The following NUTM2B variants were observed in gnomAD, a reference collection of about 807,000 sequenced individuals.
The protein encoded by NUTM2B is family with sequence similarity 22, member B.
Under a neutral mutation model 42.4 loss-of-function variants are expected in NUTM2B, and 2 were observed. That is an observed-to-expected ratio of 0.05 (90% CI 0.02 to 0.15). NUTM2B has a LOEUF of 0.15. Ranked by LOEUF, NUTM2B falls within the 10% of genes least tolerant of loss-of-function variation. The pLI, the probability that NUTM2B is intolerant of heterozygous loss-of-function variation, is 1.00. For synonymous variants in NUTM2B, 18 were observed against 402.4 expected (o/e 0.04, Z 11.43); for missense variants, 58 against 952.6 (o/e 0.06, Z 12.36).
upstream of NUTM2B, among the ~76,000 whole-genome samples, chr10:79,700,516 T>C (rs1224513202): frequency 5.3e-5 from 8 of 152,370 alleles, no homozygotes; most frequent in African/African-American, 1.9e-4. Context: ...AGGAAAGCTA[T>C]GAACGCTCCC....
chr10:79,700,692 G>T (rs1215419467), upstream of NUTM2B, among the ~76,000 whole-genome samples: 28 of 152,054 alleles, frequency 1.8e-4, 1 homozygote, highest in Non-Finnish European at 1.0e-4. Context: ...AGGCCGGTGG[G>T]TCACCGCCCT....
intron 3 of NUTM2B, among the ~76,000 whole-genome samples, 189 bp from the exon 4 acceptor site, chr10:79,709,611 C>A (rs1443879934): frequency 7.5e-6 from 1 of 132,532 alleles, no homozygotes; most frequent in Admixed American, 7.9e-5. Context: ...TCTGCAGGGG[C>A]CGGGTGAGGG....
In NUTM2B at chr10:79,711,003, CTG is replaced by C. The variant is rs1358029808; in HGVS notation, c.1734+243_1735-242del. On this transcript the variant is annotated intron_variant, in intron 5 of 6. Coordinates refer to ENST00000429828, the Ensembl canonical transcript of NUTM2B. Reference sequence around the variant, plus strand: ...TGTGGAGTGTGTACGTTACCTGTGTCTGTGTCTTTTCCTGTGTCATATGTGGG... The same window carrying C: ...TGTGGAGTGTGTACGTTACCTGTGTCTGTCTTTTCCTGTGTCATATGTGGG... Among the ~76,000 whole-genome samples the C allele has an allele frequency of 2.3e-5, 3 of 131,748 alleles. No homozygotes were observed. The South Asian group carries it at 9.4e-4, about 41-fold the overall frequency. 86.4% of individuals were successfully genotyped at this position (131,748 alleles called of 152,430 possible).
At chr10:79,705,540 G>C (rs1347885122) in intron 1 of NUTM2B, among the ~76,000 whole-genome samples, 15 of 151,288 alleles carry the variant, frequency 9.9e-5, no homozygotes, top group South Asian at 4.2e-4. Flanking sequence ...GTATGTCTGA[G>C]CTGGGAAAGA....
chr10:79,700,791 C>T (rs1245102961), upstream of NUTM2B, among the ~76,000 whole-genome samples: 13 of 152,212 alleles, frequency 8.5e-5, no homozygotes, highest in African/African-American at 2.4e-4. Flanking sequence ...GCTGGAACCT[C>T]GCCCGCCTCA....
chr10:79,705,138 G>A lies in NUTM2B; in HGVS notation c.383-904G>A, dbSNP rs1464126369. ...CAGTTATTAGGAGCTCAAAGGAGAA[G>A]GGCCAGGGATGGGCTCCTTGTCCCA... On this transcript the variant is annotated intron_variant, in intron 1 of 6. Transcript: ENST00000429828. Among the ~76,000 whole-genome samples, 2 of 127,572 alleles carry A rather than the reference G, an allele frequency of 1.6e-5. 1 individual carries two copies. Among genetic ancestry groups the A allele is most frequent in the African/African-American group, 5.9e-5 (2 of 33,956 alleles). 83.7% of individuals were successfully genotyped at this position (127,572 alleles called of 152,430 possible). A position where few individuals can be genotyped will look rare whatever the true frequency, so the allele number is the denominator to read the frequency against.
chr10:79,695,649 G>C, the NUTM2B span, among the ~76,000 whole-genome samples: 6 of 152,192 alleles, frequency 3.9e-5, no homozygotes, highest in Admixed American at 6.5e-5. Flanking sequence ...ACGTATGTTA[G>C]AGGGTGTCCT....
upstream of NUTM2B, among the ~76,000 whole-genome samples, chr10:79,700,012 C>T (rs1840283678): frequency 6.6e-6 from 1 of 152,266 alleles, no homozygotes; most frequent in South Asian, 2.1e-4. Flanking sequence ...CATGTGTAGC[C>T]TACAATTTAC....
At chr10:79,696,631 A>AG in the NUTM2B span, among the ~76,000 whole-genome samples, 1 of 152,210 alleles carries the variant, frequency 6.6e-6, no homozygotes, top group Non-Finnish European at 1.5e-5. Context: ...GAAAAGAAGA[A>AG]GGGGAAATCC....
the NUTM2B span, among the ~76,000 whole-genome samples, chr10:79,694,750 G>A: frequency 6.6e-6 from 1 of 152,340 alleles, no homozygotes; most frequent in South Asian, 2.1e-4. Context: ...TTGGGGTCCT[G>A]AGCCTCCCAG....
upstream of NUTM2B, among the ~76,000 whole-genome samples, chr10:79,701,389 G>A (rs1207584375): frequency 1.3e-5 from 2 of 151,968 alleles, no homozygotes; most frequent in Admixed American, 6.6e-5. Context: ...GCAACACAGT[G>A]CAGAATTCCA....
chr10:79,703,704 T>TGCC, exon 1 of NUTM2B: 1 of 406,988 alleles, frequency 2.5e-6, no homozygotes, highest in Non-Finnish European at 3.8e-6. Flanking sequence ...TCTCTGCTGC[T>TGCC]GCCTTCCAGT....
At chr10:79,702,385 G>A (rs61863482), upstream of NUTM2B, among the ~76,000 whole-genome samples, 9,234 of 148,994 alleles carry the variant, frequency 0.062, 213 homozygotes, top group South Asian at 0.18. Context: ...GGACAAAACC[G>A]AGAACTCATG....
At chr10:79,702,240 A>C (rs898959611), upstream of NUTM2B, among the ~76,000 whole-genome samples, 1 of 152,174 alleles carries the variant, frequency 6.6e-6, no homozygotes, top group Non-Finnish European at 1.5e-5. Context: ...TGCATGTAAG[A>C]AGGCAGTTCT....
At chr10:79,705,209 C>T (rs1349116650) in intron 1 of NUTM2B, among the ~76,000 whole-genome samples, 1 of 133,170 alleles carries the variant, frequency 7.5e-6, no homozygotes, top group African/African-American at 2.9e-5. Context: ...CCCTAGACAC[C>T]TCCCCTGTTA....
chr10:79,701,180 A>G (rs564731983), upstream of NUTM2B, among the ~76,000 whole-genome samples: 1 of 152,294 alleles, frequency 6.6e-6, no homozygotes, highest in Non-Finnish European at 1.5e-5. Flanking sequence ...TGGAGGTTCC[A>G]TTAAAGAGTA....
At chr10:79,700,956 AGCG>A, upstream of NUTM2B, among the ~76,000 whole-genome samples, 1 of 152,212 alleles carries the variant, frequency 6.6e-6, no homozygotes, top group Non-Finnish European at 1.5e-5. Flanking sequence ...CTGAGAAACC[AGCG>A]CGTCCGCAAC....
exon 7 of NUTM2B, chr10:79,711,708 G>C: frequency 6.2e-7 from 1 of 1,611,292 alleles, no homozygotes; most frequent in Non-Finnish European, 8.5e-7. Context: ...AGCTAGTGGA[G>C]AAGCGCCTCC....
chr10:79,695,453 C>A, the NUTM2B span, among the ~76,000 whole-genome samples: 1 of 152,168 alleles, frequency 6.6e-6, no homozygotes, highest in Non-Finnish European at 1.5e-5. Context: ...ACACAGAAAC[C>A]AACACATATT....
Sources: allele counts gnomAD v4.1 joint callset (sites outside exome capture counted in the v4.1 genomes callset), GRCh38; gene constraint gnomAD v4.1.1; transcripts MANE v1.5; gene names NCBI Gene and HGNC (gene_info 2026-07-23, HGNC 2026-07-21).